FGD4: variants seen among roughly 807,000 people sequenced by gnomAD.
FGD4 encodes the protein FYVE, RhoGEF and PH domain-containing protein 4.
FGD4 carries 42 observed loss-of-function variants against 102.0 expected under a neutral mutation model. That is an observed-to-expected ratio of 0.41 (90% CI 0.32 to 0.53). The LOEUF (loss-of-function observed/expected upper bound fraction) is 0.53, where lower values mean the gene tolerates loss of function less well. FGD4 is among the 20% of genes least tolerant of loss of function. The pLI, the probability that FGD4 is intolerant of heterozygous loss-of-function variation, is 0.21. For synonymous variants in FGD4, 380 were observed against 375.7 expected, an observed-to-expected ratio of 1.01 and a Z score of -0.13; for missense variants, 902 against 1,078.2, an observed-to-expected ratio of 0.84 and a Z score of 2.29.
chr12:32,552,944 A>ATTTT (rs71068326), intron 1 of FGD4, among the ~76,000 whole-genome samples: 6 of 123,894 alleles, frequency 4.8e-5, no homozygotes, highest in African/African-American at 1.3e-4. Flanking sequence ...CGCCTGGCTA[A>ATTTT]TTTTTTTTTT....
At chr12:32,464,444 C>T (rs150964496) in intron 1 of FGD4, among the ~76,000 whole-genome samples, 11 of 152,144 alleles carry the variant, frequency 7.2e-5, no homozygotes, top group African/African-American at 1.9e-4. Flanking sequence ...TGAGCCATTG[C>T]GCCCGGCCTA....
chr12:32,627,461 G>T (rs1950252523), intron 14 of FGD4, among the ~76,000 whole-genome samples: 1 of 152,058 alleles, frequency 6.6e-6, no homozygotes, highest in African/African-American at 2.4e-5. Flanking sequence ...GCCCCATTTT[G>T]ATGCAATATC....
chr12:32,489,220 A>G (rs1268711861), intron 1 of FGD4, among the ~76,000 whole-genome samples: 2 of 152,152 alleles, frequency 1.3e-5, no homozygotes, highest in African/African-American at 4.8e-5. Context: ...TTGTAACTGA[A>G]CCAACTGGAC....
At chr12:32,552,434 A>ATTTTTTTTT (rs66646521) in intron 1 of FGD4, among the ~76,000 whole-genome samples, 13 of 120,964 alleles carry the variant, frequency 1.1e-4, no homozygotes, top group East Asian at 2.8e-4. Context: ...TAATTTTTGC[A>ATTTTTTTTT]TTTTTTTTTT....
intron 1 of FGD4, among the ~76,000 whole-genome samples, chr12:32,531,323 A>G (rs989152887): frequency 1.3e-5 from 2 of 152,178 alleles, no homozygotes; most frequent in Non-Finnish European, 2.9e-5. Flanking sequence ...GATAATTTAC[A>G]TACATTAAAA....
At chr12:32,480,364 G>A (rs375478496) in intron 1 of FGD4, among the ~76,000 whole-genome samples, 6 of 151,214 alleles carry the variant, frequency 4.0e-5, no homozygotes, top group Admixed American at 2.6e-4. Flanking sequence ...GGGTTTCACC[G>A]TGTTAGCTAG....
chr12:32,551,731 G>A (rs986053263), intron 1 of FGD4, among the ~76,000 whole-genome samples: 2 of 152,104 alleles, frequency 1.3e-5, no homozygotes, highest in Admixed American at 6.5e-5. Flanking sequence ...GTTTTGATAC[G>A]GATGATCATA....
chr12:32,434,856 A>AT (rs1406697826), intron 1 of FGD4, among the ~76,000 whole-genome samples: 1 of 152,270 alleles, frequency 6.6e-6, no homozygotes, highest in African/African-American at 2.4e-5. Context: ...AGAGGATTGA[A>AT]TAAGATGAAA....
chr12:32,429,465 C>T, intron 1 of FGD4, among the ~76,000 whole-genome samples: 1 of 152,200 alleles, frequency 6.6e-6, no homozygotes, highest in East Asian at 1.9e-4. Context: ...GTCTGTTGAC[C>T]CCTGCTGGGA....
chr12:32,572,116 G>A (rs868641767), intron 2 of FGD4, among the ~76,000 whole-genome samples: 9 of 151,982 alleles, frequency 5.9e-5, no homozygotes, highest in East Asian at 1.9e-4. Flanking sequence ...ACACACACAC[G>A]CATAAAAGAT....
intron 12 of FGD4, 44 bp downstream of exon 12, chr12:32,624,496 G>GACTCT: frequency 7.1e-7 from 1 of 1,406,400 alleles, no homozygotes; most frequent in Non-Finnish European, 9.8e-7. Context: ...TTTTTTTTGA[G>GACTCT]GCAGAGTCTC....
At chr12:32,570,240 C>CAAAAAAA (rs150913094) in intron 2 of FGD4, among the ~76,000 whole-genome samples, 28 of 67,550 alleles carry the variant, frequency 4.1e-4, no homozygotes, top group African/African-American at 5.2e-4. Flanking sequence ...GACGCTGTCT[C>CAAAAAAA]AAAAAAAAAA....
At position 32,500,457 on chromosome 12, in the gene FGD4, GAAGTCTCAC is replaced by G. The variant is rs1326614870; in HGVS notation, c.167-63679_167-63671del. 3.6e-5 allele frequency among the ~76,000 whole-genome samples: 5 copies of G among 138,294 alleles called. No homozygotes were observed. In the East Asian group the frequency reaches 1.1e-3, roughly 29 times the overall value. 90.7% of individuals were successfully genotyped at this position (138,294 alleles called of 152,430 possible). On this transcript the variant is annotated intron_variant, in intron 1 of 16. Coordinates refer to ENST00000534526, the MANE Select transcript of FGD4 (RefSeq NM_001370298.3). ...ATTTTATTTTATTTTATTTTGAGAC[GAAGTCTCAC>G]TCTGTTACCCAGGCTGGAGTGCAGT...
intron 1 of FGD4, among the ~76,000 whole-genome samples, chr12:32,473,191 T>C (rs10771954): frequency 0.33 from 50,000 of 151,144 alleles, 8,790 homozygotes; most frequent in East Asian, 0.45. Flanking sequence ...CAGCAGGATG[T>C]GGGTGGGGCC....
chr12:32,572,849 G>T (rs1232825867), intron 2 of FGD4, among the ~76,000 whole-genome samples: 2 of 151,926 alleles, frequency 1.3e-5, no homozygotes, highest in South Asian at 2.1e-4. Flanking sequence ...TACCTTTTAG[G>T]TCTCCAGCTG....
chr12:32,638,886 GT>G, intron 16 of FGD4, 91 bp downstream of exon 16: 2 of 1,591,310 alleles, frequency 1.3e-6, no homozygotes, highest in Non-Finnish European at 1.7e-6. Context: ...TAGAACAAGA[GT>G]TCAGGCAGTT....
In FGD4 at chr12:32,410,095, G is replaced by A. The variant is rs183153555; in HGVS notation, c.166+10136G>A. ...TATAATCCCAGCACTTTGGGAGGCC[G>A]AAGCAGGTGGATCATGAGGTCAGGA... On this transcript the variant is annotated intron_variant, in intron 1 of 16. Coordinates refer to ENST00000534526, the MANE Select transcript of FGD4 (RefSeq NM_001370298.3). Among the ~76,000 whole-genome samples the A allele has an allele frequency of 9.9e-5, 15 of 151,968 alleles. No homozygotes were observed. The East Asian group carries it at 1.5e-3, about 16-fold the overall frequency.
intron 1 of FGD4, among the ~76,000 whole-genome samples, chr12:32,487,433 A>G (rs1199404118): frequency 6.6e-6 from 1 of 151,922 alleles, no homozygotes; most frequent in Non-Finnish European, 1.5e-5. Context: ...TGTTATTATT[A>G]TTATCATTTT....
chr12:32,635,746 G>A (rs1950770061), intron 15 of FGD4, among the ~76,000 whole-genome samples: 1 of 152,136 alleles, frequency 6.6e-6, no homozygotes, highest in South Asian at 2.1e-4. Context: ...TGGGCGCAGT[G>A]GCTCATGCCT....
Sources: gnomAD v4.1 joint callset for allele counts (sites outside exome capture counted in the v4.1 genomes callset) on GRCh38, gnomAD v4.1.1 for gene constraint, MANE v1.5 for transcripts, NCBI Gene and HGNC (gene_info 2026-07-23, HGNC 2026-07-21) for gene names.